Variants in CD274 observed in about 807,000 individuals in gnomAD.
The protein encoded by CD274 is programmed cell death 1 ligand 1.
Under a neutral mutation model 30.1 loss-of-function variants are expected in CD274, and 8 were observed. The ratio of observed to expected loss-of-function variants is 0.27; its 90% CI spans 0.16 to 0.48. CD274 has a LOEUF of 0.48. Ranked by LOEUF, CD274 falls within the 20% of genes least tolerant of loss-of-function variation. The pLI is 0.99. For missense variants in CD274, 353 were observed against 346.6 expected (o/e 1.02, Z -0.15); for synonymous variants, 152 against 124.6 (o/e 1.22, Z -1.46).
At chr9:5,467,538 CTGGACA>C (rs1819517585) in intron 6 of CD274, among the ~76,000 whole-genome samples, 1 of 152,056 alleles carries the variant, frequency 6.6e-6, no homozygotes. Flanking sequence ...TCTAATTAAC[CTGGACA>C]AGCTCAGGCA....
At chr9:5,458,329 C>T (rs1016805616) in intron 3 of CD274, among the ~76,000 whole-genome samples, 1 of 152,190 alleles carries the variant, frequency 6.6e-6, no homozygotes, top group Non-Finnish European at 1.5e-5. Flanking sequence ...CTTATATTTC[C>T]TGCAATGGCG....
At chr9:5,453,960 G>A (rs1262973278) in intron 1 of CD274, among the ~76,000 whole-genome samples, 2 of 152,224 alleles carry the variant, frequency 1.3e-5, no homozygotes, top group Non-Finnish European at 2.9e-5. Flanking sequence ...CTCCCTGGGT[G>A]AGAGTGATGA....
rs7864231 is a variant in CD274 at position 5,469,669 on chromosome 9, G to A, written c.*1807G>A. On this transcript the variant is annotated 3_prime_UTR_variant, in exon 7 of 7. Transcript: ENST00000381577. ...CATAGCTTTTCATTATCTTTCATAT[G>A]ATCCAGTATATGTTAAATATGTCCT... 6,261 of 231,942 alleles carry A rather than the reference G, an allele frequency of 0.027. 338 individuals carry two copies. Among genetic ancestry groups the A allele is most frequent in the African/African-American group, 0.12 (5,573 of 45,286 alleles). 14.4% of individuals were successfully genotyped at this position (231,942 alleles called of 1,614,324 possible).
rs1227520223 is a variant in CD274 at position 5,470,410 on chromosome 9, G to A, written c.*2548G>A. 1.3e-5 allele frequency: 3 copies of A among 231,024 alleles called. No individual in the cohort carries two copies. In the East Asian group the frequency reaches 1.8e-4, roughly 14 times the overall value. The allele number at this position is 231,024 out of a possible 1,614,324, so 14.3% of individuals were successfully genotyped here. On this transcript the variant is annotated 3_prime_UTR_variant, in exon 7 of 7. Transcript: ENST00000381577. ...CATCGTAAATGGCATAGGCAGAGAT[G>A]ATACCTAATTCTGCATTTGATTGTC...
rs1819529286 is a variant in CD274, at chr9:5,468,235, C to A, written c.*373C>A. Reference sequence around the variant, plus strand: ...TCAGTTCCTGCAGAAGTGCCCTTTGCCTCCACTCAATGCCTCAATTTGTTT... The same window carrying A: ...TCAGTTCCTGCAGAAGTGCCCTTTGACTCCACTCAATGCCTCAATTTGTTT... On this transcript the variant is annotated 3_prime_UTR_variant, in exon 7 of 7. Transcript: ENST00000381577. 1 of 301,388 alleles carries A rather than the reference C, an allele frequency of 3.3e-6. No individual in the cohort carries two copies. Among genetic ancestry groups the A allele is most frequent in the African/African-American group, 2.1e-5 (1 of 47,364 alleles). 18.7% of individuals were successfully genotyped at this position (301,388 alleles called of 1,614,324 possible).
chr9:5,467,648 G>T (rs566029351), intron 6 of CD274, among the ~76,000 whole-genome samples, 192 bp from the exon 7 acceptor site: 6 of 152,246 alleles, frequency 3.9e-5, no homozygotes, highest in South Asian at 2.1e-4. Flanking sequence ...ATCCCAATTT[G>T]CTCAGGACTG....
Position 5,457,390 on chromosome 9 carries a change from G to A in CD274, c.364G>A (p.Asp122Asn), listed in dbSNP as rs1224180886. The change falls in exon 3 of 7, where the codon GAC (aspartate) becomes AAC (asparagine). Residue 122 changes from aspartate to asparagine, a missense_variant. Physicochemically the swap from Asp to Asn is conservative, Grantham distance 23. Transcript: ENST00000381577. ...YRCMISYGGA[D>N]YKRITVKVNA... ...CTGCATGATCAGCTATGGTGGTGCC[G>A]ACTACAAGCGAATTACTGTGAAAGT... 2 of 1,613,372 alleles carry A rather than the reference G, an allele frequency of 1.2e-6. No homozygotes were observed. Among genetic ancestry groups the A allele is most frequent in the Admixed American group, 1.7e-5 (1 of 59,948 alleles).
intron 4 of CD274, among the ~76,000 whole-genome samples, chr9:5,463,626 C>T (rs1170176231): frequency 6.6e-6 from 1 of 152,130 alleles, no homozygotes; most frequent in African/African-American, 2.4e-5. Context: ...CATGAGGGAC[C>T]CTTTCTCCCC....
intron 1 of CD274, among the ~76,000 whole-genome samples, chr9:5,451,405 C>T (rs1819200176): frequency 6.6e-6 from 1 of 152,188 alleles, no homozygotes; most frequent in Admixed American, 6.5e-5. Flanking sequence ...ATTCACTGAA[C>T]TCATTGCATA....
chr9:5,458,877 G>C (rs542275404), intron 3 of CD274, among the ~76,000 whole-genome samples: 1 of 152,132 alleles, frequency 6.6e-6, no homozygotes, highest in Non-Finnish European at 1.5e-5. Context: ...TGTGTTCCAA[G>C]ATATTAAAGA....
rs17718883 is a variant in CD274 at position 5,462,876 on chromosome 9, C to A, written c.437C>A (p.Pro146Gln). 1 of 1,613,868 alleles carries A rather than the reference C, an allele frequency of 6.2e-7. No homozygotes were observed. The highest frequency in any genetic ancestry group is 1.1e-5 in the South Asian group (1 of 91,070). The change falls in exon 4 of 7, where the codon CCA (proline) becomes CAA (glutamine). Residue 146 changes from proline to glutamine, a missense_variant. Coordinates refer to ENST00000381577, the MANE Select transcript of CD274 (RefSeq NM_014143.4). Reference sequence around the variant, plus strand: ...AACCAAAGAATTTTGGTTGTGGATCCAGTCACCTCTGAACATGAACTGACA... The same window carrying A: ...AACCAAAGAATTTTGGTTGTGGATCAAGTCACCTCTGAACATGAACTGACA... ...KINQRILVVDPVTSEHELTCQ... is the reference protein window; with the variant it reads ...KINQRILVVDQVTSEHELTCQ...
At position 5,467,830 on chromosome 9, in the gene CD274, C is replaced by G. The variant is rs1819522074; in HGVS notation, c.851-10C>G. 1.6e-5 allele frequency: 25 copies of G among 1,603,608 alleles called. No individual in the cohort carries two copies. The highest frequency in any genetic ancestry group is 2.1e-5 in the Non-Finnish European group (24 of 1,170,454). On this transcript the variant is annotated splice_polypyrimidine_tract_variant and intron_variant, in intron 6 of 6. Transcript: ENST00000381577. ...TCCCATGAAATTAATATACTATTATCACTCTCCAGATACACATTTGGAGGA... is the reference window on the plus strand; with the variant it reads ...TCCCATGAAATTAATATACTATTATGACTCTCCAGATACACATTTGGAGGA...
chr9:5,468,543 A>G lies in CD274; in HGVS notation c.*681A>G. The G allele has an allele frequency of 4.3e-6, 1 of 233,086 alleles. No individual in the cohort carries two copies. Among genetic ancestry groups the G allele is most frequent in the Non-Finnish European group, 8.5e-6 (1 of 117,908 alleles). 14.4% of individuals were successfully genotyped at this position (233,086 alleles called of 1,614,324 possible). On this transcript the variant is annotated 3_prime_UTR_variant, in exon 7 of 7. Coordinates refer to ENST00000381577, the MANE Select transcript of CD274 (RefSeq NM_014143.4). ...GCATAAAGATCAAACCGTTGGTTGC[A>G]TAGGATGTCACCTTTATTTAACCCA...
chr9:5,451,080 C>A (rs534615369), intron 1 of CD274, among the ~76,000 whole-genome samples: 1 of 152,260 alleles, frequency 6.6e-6, no homozygotes, highest in African/African-American at 2.4e-5. Context: ...ATTCTGAGAA[C>A]CCAAAGGAGT....
chr9:5,454,645 G>A (rs1406703776), intron 1 of CD274, among the ~76,000 whole-genome samples: 3 of 152,014 alleles, frequency 2.0e-5, no homozygotes, highest in South Asian at 2.1e-4. Flanking sequence ...ATATATATGT[G>A]TGTGTGTGTG....
At chr9:5,454,641 ATG>A (rs59259854) in intron 1 of CD274, among the ~76,000 whole-genome samples, 61,326 of 140,064 alleles carry the variant, frequency 0.44, 14,319 homozygotes, top group African/African-American at 0.65. Flanking sequence ...ATATATATAT[ATG>A]TGTGTGTGTG....
At position 5,456,118 on chromosome 9, in the gene CD274, G is replaced by A; in HGVS notation, c.5G>A (p.Arg2Lys). The change falls in exon 2 of 7, where the codon AGG (arginine) becomes AAG (lysine). Residue 2 changes from arginine to lysine, a missense_variant. By Grantham distance (26) the Arg-to-Lys change is conservative. Transcript: ENST00000381577. Reference sequence around the variant, plus strand: ...TAATTAGGGCATTCCAGAAAGATGAGGATATTTGCTGTCTTTATATTCATG... The same window carrying A: ...TAATTAGGGCATTCCAGAAAGATGAAGATATTTGCTGTCTTTATATTCATG... M[R>K]IFAVFIFMTY... is the part of the protein sequence containing the mutation. 2 of 1,605,126 alleles carry A rather than the reference G, an allele frequency of 1.2e-6. No individual in the cohort carries two copies. Among genetic ancestry groups the A allele is most frequent in the Non-Finnish European group, 1.7e-6 (2 of 1,172,298 alleles).
chr9:5,460,906 T>C (rs780991227), intron 3 of CD274, among the ~76,000 whole-genome samples: 1 of 152,216 alleles, frequency 6.6e-6, no homozygotes, highest in Non-Finnish European at 1.5e-5. Flanking sequence ...CATAAGAAAC[T>C]GCCGTTTTTG....
chr9:5,466,191 G>A (rs1284402087), intron 5 of CD274, among the ~76,000 whole-genome samples: 2 of 152,134 alleles, frequency 1.3e-5, no homozygotes, highest in African/African-American at 4.8e-5. Context: ...ATCCAGTGAT[G>A]GTATAGAGTT....
Sources: gnomAD v4.1 joint callset for allele counts (sites outside exome capture counted in the v4.1 genomes callset) on GRCh38, gnomAD v4.1.1 for gene constraint, MANE v1.5 for transcripts, NCBI Gene and HGNC (gene_info 2026-07-23, HGNC 2026-07-21) for gene names.